The following SLC25A48 variants were observed in gnomAD, a reference collection of about 807,000 sequenced individuals.
SLC25A48 encodes CTC-321K16.1.
SLC25A48 carries 29 observed loss-of-function variants against 32.2 expected under a neutral mutation model. The ratio of observed to expected loss-of-function variants is 0.90; its 90% CI spans 0.67 to 1.23. The LOEUF is 1.23. SLC25A48 is among the 50% of genes most tolerant of loss of function. The pLI is 0.00. For missense variants in SLC25A48, 399 were observed against 422.7 expected (o/e 0.94, Z 0.49); for synonymous variants, 164 against 172.3 (o/e 0.95, Z 0.38).
chr5:135,676,511 T>C (rs1401514551), intron 3 of SLC25A48, among the ~76,000 whole-genome samples: 1 of 151,940 alleles, frequency 6.6e-6, no homozygotes, highest in Non-Finnish European at 1.5e-5. Flanking sequence ...TAATTTTAGG[T>C]TTGGCTTCTT....
At chr5:135,789,735 A>AT (rs112418374) in intron 3 of SLC25A48, among the ~76,000 whole-genome samples, 1 of 151,388 alleles carries the variant, frequency 6.6e-6, no homozygotes, top group Non-Finnish European at 1.5e-5. Flanking sequence ...CTTAATATTA[A>AT]GGGGGGATAG....
chr5:135,831,164 C>T (rs897309133), upstream of SLC25A48, among the ~76,000 whole-genome samples: 6 of 152,134 alleles, frequency 3.9e-5, no homozygotes, highest in South Asian at 2.1e-4. Context: ...TGAAAGAAGC[C>T]GGGCTTCTGT....
intron 2 of SLC25A48, among the ~76,000 whole-genome samples, chr5:135,844,551 A>G (rs1759258679): frequency 6.6e-6 from 1 of 152,144 alleles, no homozygotes; most frequent in South Asian, 2.1e-4. Flanking sequence ...CCATTTCCTG[A>G]TTGCATAGCC....
intron 4 of SLC25A48, among the ~76,000 whole-genome samples, chr5:135,865,468 G>C (rs1193616173): frequency 2.0e-5 from 3 of 152,184 alleles, no homozygotes; most frequent in Admixed American, 2.0e-4. Flanking sequence ...AGTGCTGTAG[G>C]TGGGACCCTG....
chr5:135,804,484 C>T (rs760137896), intron 3 of SLC25A48, among the ~76,000 whole-genome samples: 2 of 151,666 alleles, frequency 1.3e-5, no homozygotes, highest in Admixed American at 6.6e-5. Context: ...GGATGTAATA[C>T]ATCTAATATC....
At chr5:135,769,281 T>C (rs575611376) in intron 3 of SLC25A48, among the ~76,000 whole-genome samples, 79 of 151,542 alleles carry the variant, frequency 5.2e-4, no homozygotes, top group Non-Finnish European at 8.3e-4. Context: ...ATGATATTAC[T>C]GACAGCATCA....
intron 3 of SLC25A48, among the ~76,000 whole-genome samples, chr5:135,656,508 A>G (rs1187925370): frequency 1.3e-5 from 2 of 152,070 alleles, no homozygotes; most frequent in East Asian, 1.9e-4. Flanking sequence ...CTGAGACACC[A>G]TCTTCTCCGT....
rs1030482889 is a variant in SLC25A48, at chr5:135,874,769, C to G, written c.813+615C>G. ...TTCCCACCACCTGAAAAGGTGCTGC[C>G]CCAGGATAGACCAGACTTCCATGTC... On this transcript the variant is annotated intron_variant, in intron 6 of 7. Coordinates refer to ENST00000681962, the MANE Select transcript of SLC25A48 (RefSeq NM_001349336.2). 7 of 686,988 alleles carry G rather than the reference C, an allele frequency of 1.0e-5. No homozygotes were observed. The Admixed American group carries it at 1.5e-4, about 14-fold the overall frequency. 42.6% of individuals were successfully genotyped at this position (686,988 alleles called of 1,614,324 possible). A position where few individuals can be genotyped will look rare whatever the true frequency, so the allele number is the denominator to read the frequency against.
At chr5:135,849,740 G>A (rs1288077365) in intron 2 of SLC25A48, among the ~76,000 whole-genome samples, 1 of 152,134 alleles carries the variant, frequency 6.6e-6, no homozygotes, top group Non-Finnish European at 1.5e-5. Context: ...CCAGAAGTGG[G>A]GAACAGCAGG....
At chr5:135,740,113 A>C (rs1438416511) in intron 3 of SLC25A48, among the ~76,000 whole-genome samples, 1 of 152,204 alleles carries the variant, frequency 6.6e-6, no homozygotes, top group East Asian at 1.9e-4. Context: ...TTTGACCCTC[A>C]AATGGAAAGA....
At chr5:135,767,193 C>T in intron 3 of SLC25A48, among the ~76,000 whole-genome samples, 1 of 150,188 alleles carries the variant, frequency 6.7e-6, no homozygotes, top group East Asian at 2.0e-4. Context: ...GTACACCCCC[C>T]CCCCGTGATA....
chr5:135,761,543 C>G (rs1295547292), intron 3 of SLC25A48, among the ~76,000 whole-genome samples: 1 of 152,002 alleles, frequency 6.6e-6, no homozygotes, highest in African/African-American at 2.4e-5. Flanking sequence ...TAAAACTAAC[C>G]AAAAATGTAA....
At chr5:135,746,804 T>C (rs1335339955) in intron 3 of SLC25A48, among the ~76,000 whole-genome samples, 3 of 152,160 alleles carry the variant, frequency 2.0e-5, no homozygotes, top group Non-Finnish European at 4.4e-5. Context: ...GATTCACTCA[T>C]TGCCTGGAGT....
chr5:135,668,945 ATAG>A (rs1753585886), intron 3 of SLC25A48, among the ~76,000 whole-genome samples: 1 of 152,236 alleles, frequency 6.6e-6, no homozygotes, highest in Non-Finnish European at 1.5e-5. Context: ...CAAAGATGTC[ATAG>A]CTCAGTGAGG....
chr5:135,735,717 A>T (rs1755344477), intron 3 of SLC25A48, among the ~76,000 whole-genome samples: 1 of 152,084 alleles, frequency 6.6e-6, no homozygotes, highest in South Asian at 2.1e-4. Flanking sequence ...CCAGAGAAAA[A>T]ATTTCCTGTG....
At chr5:135,716,314 C>G (rs1754795069) in intron 3 of SLC25A48, among the ~76,000 whole-genome samples, 2 of 152,192 alleles carry the variant, frequency 1.3e-5, no homozygotes, top group Admixed American at 6.5e-5. Flanking sequence ...ACCACCCGCT[C>G]CACTGTGCAC....
intron 3 of SLC25A48, among the ~76,000 whole-genome samples, chr5:135,775,845 G>T (rs984689476): frequency 6.6e-6 from 1 of 151,204 alleles, no homozygotes; most frequent in Non-Finnish European, 1.5e-5. Context: ...GGGGTTGTAC[G>T]CCCCTTTTGT....
chr5:135,726,785 C>T (rs1246612888), intron 3 of SLC25A48, among the ~76,000 whole-genome samples: 1 of 152,212 alleles, frequency 6.6e-6, no homozygotes, highest in African/African-American at 2.4e-5. Context: ...TATTCATGTA[C>T]ATATTTTGGT....
At chr5:135,883,167 G>C in intron 7 of SLC25A48, 1 of 985,492 alleles carries the variant, frequency 1.0e-6, no homozygotes, top group Non-Finnish European at 1.2e-6. Flanking sequence ...AGCCAGGCAG[G>C]CTGTCCTCAG....
Sources: gnomAD v4.1 joint callset for allele counts (sites outside exome capture counted in the v4.1 genomes callset) on GRCh38, gnomAD v4.1.1 for gene constraint, MANE v1.5 for transcripts, NCBI Gene and HGNC (gene_info 2026-07-23, HGNC 2026-07-21) for gene names.